Variants in RTN4 observed in about 807,000 individuals in gnomAD.
RTN4 encodes reticulon 4.
RTN4 carries 32 observed loss-of-function variants against 90.4 expected under a neutral mutation model. That is an observed-to-expected ratio of 0.35 (90% confidence interval 0.27 to 0.48). The LOEUF (loss-of-function observed/expected upper bound fraction) is 0.48, where lower values mean the gene tolerates loss of function less well. RTN4 is among the 20% of genes least tolerant of loss of function. RTN4 has a pLI of 0.99. For synonymous variants in RTN4, 629 were observed against 552.5 expected (o/e 1.14, Z -1.94); for missense variants, 1,706 against 1,430.2 (o/e 1.19, Z -3.11).
In RTN4 at chr2:55,109,424, C is replaced by G. The variant is rs150392150; in HGVS notation, c.-214+3096G>C. Among the ~76,000 whole-genome samples, 7 of 152,254 alleles carry G rather than the reference C, an allele frequency of 4.6e-5. No individual in the cohort carries two copies. In the East Asian group the frequency reaches 1.3e-3, roughly 29 times the overall value. ...TTAACTGTGCTTACAAAAGCAAATA[C>G]CTCATACTCCTTCCACTCTATAGAA... On this transcript the variant is annotated intron_variant, in intron 1 of 3. Transcript: ENST00000427710.
intron 1 of RTN4, among the ~76,000 whole-genome samples, chr2:55,042,684 G>T (rs1208859009): frequency 6.6e-6 from 1 of 152,114 alleles, no homozygotes; most frequent in East Asian, 1.9e-4. Context: ...TAAGATTTGG[G>T]ATTTTTATTG....
intron 3 of RTN4, among the ~76,000 whole-genome samples, chr2:54,996,827 A>G (rs1679466452): frequency 1.3e-5 from 2 of 152,146 alleles, no homozygotes; most frequent in African/African-American, 4.8e-5. Flanking sequence ...GTGGTGCAAA[A>G]GCAGGCAGCC....
intron 1 of RTN4, among the ~76,000 whole-genome samples, chr2:55,035,397 A>G (rs1043809941): frequency 6.6e-6 from 1 of 151,276 alleles, no homozygotes; most frequent in African/African-American, 2.5e-5. Context: ...TAATCCATGA[A>G]TCAAAGAAAA....
At chr2:55,102,073 A>C (rs1279056434) in intron 1 of RTN4, among the ~76,000 whole-genome samples, 1 of 152,170 alleles carries the variant, frequency 6.6e-6, no homozygotes, top group Non-Finnish European at 1.5e-5. Context: ...CATAAAGTTA[A>C]CAAGTCCATT....
At chr2:55,012,037 T>C (rs1000097672) in intron 3 of RTN4, among the ~76,000 whole-genome samples, 3 of 152,068 alleles carry the variant, frequency 2.0e-5, no homozygotes, top group Admixed American at 6.6e-5. Flanking sequence ...TAATAACAAG[T>C]CCCTTAAAAC....
At chr2:55,007,083 C>T (rs912335211) in intron 3 of RTN4, among the ~76,000 whole-genome samples, 1 of 152,100 alleles carries the variant, frequency 6.6e-6, no homozygotes, top group Non-Finnish European at 1.5e-5. Flanking sequence ...TCTATTTTAG[C>T]TCTATTTCTA....
At chr2:55,108,649 G>A (rs2105064829) in intron 1 of RTN4, among the ~76,000 whole-genome samples, 1 of 152,176 alleles carries the variant, frequency 6.6e-6, no homozygotes, top group South Asian at 2.1e-4. Context: ...ACAGGGCCAT[G>A]CCCCTATCCT....
chr2:54,982,576 T>A lies in RTN4; in HGVS notation c.3299A>T (p.Asn1100Ile), dbSNP rs775792356. Reference protein sequence around the residue: ...KYSNSALGHVNCTIKELRRLF... With the variant: ...KYSNSALGHVICTIKELRRLF... ...GCGCCTGAGTTCCTTTATCGTGCAG[T>A]TCACATGACCAAGAGCAGAATTACT... is the stretch of plus-strand genomic sequence containing the variant. Residue 1100 changes from asparagine (N) to isoleucine (I), a missense_variant, in exon 5 of 9, where the codon AAC (asparagine) becomes ATC (isoleucine). Transcript: ENST00000337526. 2 of 1,613,836 alleles carry A rather than the reference T, an allele frequency of 1.2e-6. 1 individual carries two copies. The highest frequency in any genetic ancestry group is 2.2e-5 in the South Asian group (2 of 91,014).
chr2:55,034,430 A>C (rs1573440078), intron 1 of RTN4, among the ~76,000 whole-genome samples: 1 of 152,266 alleles, frequency 6.6e-6, no homozygotes, highest in African/African-American at 2.4e-5. Flanking sequence ...TGAGCCCAGG[A>C]GTTTGAGGCT....
chr2:55,124,058 G>A, the RTN4 span, among the ~76,000 whole-genome samples: 4 of 152,144 alleles, frequency 2.6e-5, no homozygotes, highest in Admixed American at 2.0e-4. Context: ...ACCAGTCACA[G>A]GACTCTTCTC....
At chr2:55,069,331 G>T (rs1017351336) in intron 2 of RTN4, among the ~76,000 whole-genome samples, 1 of 152,080 alleles carries the variant, frequency 6.6e-6, no homozygotes, top group Admixed American at 6.5e-5. Flanking sequence ...GCATTCTTCT[G>T]GAAAATAAAA....
Position 55,050,140 on chromosome 2 carries a change from A to ACCTCCAGCT in RTN4, c.152_160dup (p.Glu51_Glu53dup). 1 of 1,544,104 alleles carries ACCTCCAGCT rather than the reference A, an allele frequency of 6.5e-7. No homozygotes were observed. The highest frequency in any genetic ancestry group is 8.7e-7 in the Non-Finnish European group (1 of 1,153,170). ...CCCGGCGGCGGGCTTCCTCTCCAGC[A>ACCTCCAGCT]CCTCCAGCTCCTCCAGGTCTTCGTC... On this transcript the variant is annotated inframe_insertion, in exon 1 of 9. Transcript: ENST00000337526. The surrounding 1 kb of genome is among the most constrained non-coding windows in gnomAD (Gnocchi z 4.6).
At chr2:55,023,749 T>G (rs960953269) in intron 3 of RTN4, among the ~76,000 whole-genome samples, 3 of 152,130 alleles carry the variant, frequency 2.0e-5, no homozygotes, top group African/African-American at 7.2e-5. Context: ...TAATAACCAC[T>G]TACTCAAGTC....
intron 1 of RTN4, among the ~76,000 whole-genome samples, chr2:55,031,006 G>A (rs1403173294): frequency 6.6e-6 from 1 of 152,078 alleles, no homozygotes; most frequent in African/African-American, 2.4e-5. Context: ...TGTTCATTCT[G>A]TTCTCAAAAC....
intron 3 of RTN4, chr2:55,009,987 T>TA: frequency 1.5e-6 from 2 of 1,365,886 alleles, no homozygotes; most frequent in Non-Finnish European, 2.0e-6. Flanking sequence ...TTCAGAGGTT[T>TA]CACTTTCAAT....
intron 1 of RTN4, among the ~76,000 whole-genome samples, chr2:55,028,525 A>G (rs1682075884): frequency 6.6e-6 from 1 of 152,226 alleles, no homozygotes; most frequent in Non-Finnish European, 1.5e-5. Context: ...TCTACTTAAC[A>G]TATCACATCC....
chr2:55,092,596 C>A (rs1260100169), intron 1 of RTN4, among the ~76,000 whole-genome samples: 5 of 152,214 alleles, frequency 3.3e-5, no homozygotes, highest in Non-Finnish European at 7.3e-5. Flanking sequence ...AAGTGCTCAA[C>A]ACAAACTTGT....
At chr2:55,017,828 T>C (rs1681152425) in intron 3 of RTN4, among the ~76,000 whole-genome samples, 1 of 152,178 alleles carries the variant, frequency 6.6e-6, no homozygotes, top group Non-Finnish European at 1.5e-5. Context: ...CTTGACATCT[T>C]AAGATGTCAA....
intron 6 of RTN4, among the ~76,000 whole-genome samples, chr2:54,974,439 C>T (rs953306742): frequency 1.3e-5 from 2 of 152,148 alleles, no homozygotes; most frequent in Admixed American, 6.5e-5. Context: ...GCCACCACGC[C>T]CAGCTAATTT....
Sources: allele counts gnomAD v4.1 joint callset (sites outside exome capture counted in the v4.1 genomes callset), GRCh38; gene constraint gnomAD v4.1.1; non-coding constraint Gnocchi (gnomAD v3.1); transcripts MANE v1.5; gene names NCBI Gene and HGNC (gene_info 2026-07-23, HGNC 2026-07-21).